The following SRGAP3 variants were observed in gnomAD, a reference collection of about 807,000 sequenced individuals.
SRGAP3 encodes the protein SLIT-ROBO Rho GTPase-activating protein 3.
SRGAP3 carries 39 observed loss-of-function variants against 121.1 expected under a neutral mutation model. That is an observed-to-expected ratio of 0.32 (90% confidence interval 0.25 to 0.42). SRGAP3 has a LOEUF of 0.42. Ranked by LOEUF, SRGAP3 falls within the 10% of genes least tolerant of loss-of-function variation. The pLI, the probability that SRGAP3 is intolerant of heterozygous loss-of-function variation, is 1.00. For missense variants in SRGAP3, 1,213 were observed against 1,470.6 expected (o/e 0.82, Z 2.86); for synonymous variants, 601 against 570.0 (o/e 1.05, Z -0.77).
In SRGAP3 at chr3:9,172,838, C is replaced by T. The variant is rs957266025; in HGVS notation, c.68-47921G>A. On this transcript the variant is annotated intron_variant, in intron 1 of 21. Coordinates refer to ENST00000383836, the MANE Select transcript of SRGAP3 (RefSeq NM_014850.4). Reference sequence around the variant, plus strand: ...GCAGACTAGAAGGGTGAGACAGAGACGGGATATGCCCTGGAAGGAGGCCCT... The same window carrying T: ...GCAGACTAGAAGGGTGAGACAGAGATGGGATATGCCCTGGAAGGAGGCCCT... 1.9e-4 allele frequency among the ~76,000 whole-genome samples: 29 copies of T among 152,190 alleles called. 1 individual carries two copies. The highest frequency in any genetic ancestry group is 2.4e-4 in the Non-Finnish European group (16 of 68,036).
chr3:9,169,055 A>G (rs1294225247), intron 1 of SRGAP3, among the ~76,000 whole-genome samples: 3 of 152,174 alleles, frequency 2.0e-5, no homozygotes, highest in Non-Finnish European at 4.4e-5. Flanking sequence ...ACAACTGTAC[A>G]TGGTAGCACT....
At chr3:9,271,198 G>A (rs1166430137) in intron 3 of SRGAP3, among the ~76,000 whole-genome samples, 3 of 152,154 alleles carry the variant, frequency 2.0e-5, no homozygotes, top group Non-Finnish European at 2.9e-5. Context: ...GCCAGGCCTG[G>A]TGGCATGCGC....
intron 3 of SRGAP3, among the ~76,000 whole-genome samples, chr3:9,304,563 G>A (rs184226207): frequency 6.6e-6 from 1 of 152,256 alleles, no homozygotes; most frequent in Admixed American, 6.5e-5. Context: ...TTACTCTGAC[G>A]CCCAGGTTCA....
chr3:9,217,987 G>A (rs1952689827), intron 1 of SRGAP3: 1 of 152,156 alleles, frequency 6.6e-6, no homozygotes. Flanking sequence ...TACAAACACA[G>A]GGAAAAAGCT....
At chr3:9,021,456 T>C (rs1281318628) in intron 14 of SRGAP3, among the ~76,000 whole-genome samples, 3 of 151,870 alleles carry the variant, frequency 2.0e-5, no homozygotes, top group East Asian at 1.9e-4. Flanking sequence ...AGAAGATTTA[T>C]AGGGAGAGCT....
At chr3:9,155,161 G>A (rs1388507403) in intron 1 of SRGAP3, among the ~76,000 whole-genome samples, 2 of 152,140 alleles carry the variant, frequency 1.3e-5, no homozygotes, top group African/African-American at 2.4e-5. Flanking sequence ...ACTCCCGAGT[G>A]CTAGTTTAGC....
chr3:9,267,518 G>A (rs960881373), intron 3 of SRGAP3, among the ~76,000 whole-genome samples: 37 of 152,198 alleles, frequency 2.4e-4, no homozygotes, highest in African/African-American at 8.7e-4. Context: ...CTGTTCCGCA[G>A]GCAGCGGTTG....
In SRGAP3 at chr3:9,064,398, TCTC is replaced by T; in HGVS notation, c.667_669del (p.Glu223del). On this transcript the variant is annotated inframe_deletion, in exon 5 of 22. Coordinates refer to ENST00000383836, the MANE Select transcript of SRGAP3 (RefSeq NM_014850.4). Reference sequence around the variant, plus strand: ...CCCAGCCCAGGGCCCCCACTCACCTTCTCCTTCATCTTCTCAATCTTCTTCACA... The same window carrying T: ...CCCAGCCCAGGGCCCCCACTCACCTTCTTCATCTTCTCAATCTTCTTCACA... The T allele has an allele frequency of 6.2e-7, 1 of 1,613,890 alleles. No individual in the cohort carries two copies.
At chr3:9,255,748 A>C (rs1358954871) in intron 3 of SRGAP3, among the ~76,000 whole-genome samples, 1 of 152,192 alleles carries the variant, frequency 6.6e-6, no homozygotes, top group Non-Finnish European at 1.5e-5. Flanking sequence ...GGCAAAGTCA[A>C]CGTGTGTCTG....
chr3:9,052,775 G>C (rs1945643439), intron 9 of SRGAP3, among the ~76,000 whole-genome samples: 1 of 152,086 alleles, frequency 6.6e-6, no homozygotes, highest in Non-Finnish European at 1.5e-5. Flanking sequence ...AACTGTCTCT[G>C]GTTTTTTTCT....
At chr3:9,277,463 C>T (rs1035347208) in intron 3 of SRGAP3, among the ~76,000 whole-genome samples, 1 of 151,618 alleles carries the variant, frequency 6.6e-6, no homozygotes, top group Non-Finnish European at 1.5e-5. Context: ...CAAAAATTAG[C>T]TGGGCATAGT....
At chr3:9,294,478 C>G (rs1219554984) in intron 3 of SRGAP3, among the ~76,000 whole-genome samples, 1 of 152,024 alleles carries the variant, frequency 6.6e-6, no homozygotes, top group African/African-American at 2.4e-5. Flanking sequence ...CCATGACACA[C>G]ATTTACCTAT....
At chr3:9,012,687 G>A (rs1038525973) in intron 17 of SRGAP3, among the ~76,000 whole-genome samples, 5 of 152,130 alleles carry the variant, frequency 3.3e-5, no homozygotes, top group Non-Finnish European at 5.9e-5. Flanking sequence ...TGAAGTTGAG[G>A]TGGGGACTAG....
chr3:9,323,942 C>G (rs984209492), intron 3 of SRGAP3, among the ~76,000 whole-genome samples: 6 of 151,700 alleles, frequency 4.0e-5, no homozygotes, highest in Admixed American at 1.3e-4. Flanking sequence ...AATTGGGCAG[C>G]CCCCAGAATC....
intron 4 of SRGAP3, among the ~76,000 whole-genome samples, chr3:9,070,829 T>C (rs1023474045): frequency 3.3e-5 from 5 of 152,214 alleles, no homozygotes; most frequent in Admixed American, 6.5e-5. Flanking sequence ...TACTACAGTG[T>C]GGAAGACATG....
At chr3:9,118,761 C>A (rs1439134576) in intron 2 of SRGAP3, among the ~76,000 whole-genome samples, 2 of 151,500 alleles carry the variant, frequency 1.3e-5, no homozygotes, top group Non-Finnish European at 1.5e-5. Context: ...TCTAGCAGGT[C>A]CTCATGTGAT....
chr3:9,284,912 T>C (rs1954742478), intron 3 of SRGAP3, among the ~76,000 whole-genome samples: 1 of 150,818 alleles, frequency 6.6e-6, no homozygotes, highest in East Asian at 2.0e-4. Flanking sequence ...CTGTGGCACA[T>C]ACTTTTAGAA....
chr3:9,176,359 A>T (rs933874447), intron 1 of SRGAP3, among the ~76,000 whole-genome samples: 1 of 152,222 alleles, frequency 6.6e-6, no homozygotes, highest in Non-Finnish European at 1.5e-5. Flanking sequence ...ACCATGTAGG[A>T]AGCCCTTCAT....
At chr3:9,097,215 TC>T (rs1159419043) in intron 3 of SRGAP3, among the ~76,000 whole-genome samples, 1 of 151,804 alleles carries the variant, frequency 6.6e-6, no homozygotes, top group Non-Finnish European at 1.5e-5. Flanking sequence ...GGTCTCAAGC[TC>T]CTGGCCTCAA....
Sources: gnomAD v4.1 joint callset for allele counts (sites outside exome capture counted in the v4.1 genomes callset) on GRCh38, gnomAD v4.1.1 for gene constraint, MANE v1.5 for transcripts, NCBI Gene and HGNC (gene_info 2026-07-23, HGNC 2026-07-21) for gene names.